Variants in RYR3 observed in about 807,000 individuals in gnomAD.
The protein encoded by RYR3 is ryanodine receptor 3, also known as brain ryanodine receptor-calcium release channel.
A neutral mutation model predicts 584.3 loss-of-function variants in RYR3; 207 were observed. The observed-to-expected ratio is 0.35, with a 90% CI of 0.32 to 0.40. The LOEUF (loss-of-function observed/expected upper bound fraction) is 0.40, where lower values mean the gene tolerates loss of function less well. Ranked by LOEUF, RYR3 falls within the 10% of genes least tolerant of loss-of-function variation. RYR3 has a pLI of 1.00. For missense variants in RYR3, 5,616 were observed against 6,089.2 expected, an observed-to-expected ratio of 0.92 and a Z score of 2.59; for synonymous variants, 2,416 against 2,248.5, an observed-to-expected ratio of 1.07 and a Z score of -2.11.
At chr15:33,594,453 C>T (rs924947107) in intron 16 of RYR3, among the ~76,000 whole-genome samples, 1 of 152,148 alleles carries the variant, frequency 6.6e-6, no homozygotes, top group African/African-American at 2.4e-5. Flanking sequence ...CCGTAAATAG[C>T]TTAAAGGTTT....
rs768368705 is a variant in RYR3, at chr15:33,652,733, C to T, written c.4158C>T (p.Asn1386=). ...TGGCTCCTAGTGTGAAACGCAGCAA[C>T]TGCTACATGGTCTGGGGTGGAGACA... ...GRVHESVKRS[N]CYMVWGGDIV... The change falls in exon 32 of 104, where the codon AAC becomes AAT. Residue 1386 remains asparagine, a synonymous_variant. Coordinates refer to ENST00000634891, the MANE Select transcript of RYR3 (RefSeq NM_001036.6). 6.2e-7 allele frequency: 1 copy of T among 1,613,484 alleles called. No homozygotes were observed. The highest frequency in any genetic ancestry group is 1.7e-5 in the Admixed American group (1 of 59,980).
chr15:33,639,710 C>T (rs1236606937), intron 27 of RYR3, among the ~76,000 whole-genome samples: 1 of 152,166 alleles, frequency 6.6e-6, no homozygotes, highest in Non-Finnish European at 1.5e-5. Context: ...TATTGTAGTT[C>T]ATGGCTGTTT....
chr15:33,420,777 C>T (rs746215550), intron 1 of RYR3, among the ~76,000 whole-genome samples: 7 of 152,010 alleles, frequency 4.6e-5, no homozygotes, highest in Admixed American at 1.3e-4. Flanking sequence ...TGATAAGGCC[C>T]CTTGATGAAA....
intron 1 of RYR3, among the ~76,000 whole-genome samples, chr15:33,466,120 A>G (rs933099312): frequency 6.6e-6 from 1 of 152,210 alleles, no homozygotes; most frequent in African/African-American, 2.4e-5. Context: ...ATGTGGTGGC[A>G]CAAACTTGGG....
rs191013255 is a variant in RYR3, at chr15:33,602,316, A to T, written c.1922+764A>T. On this transcript the variant is annotated intron_variant, in intron 17 of 103. Transcript: ENST00000634891. ...GTTCGTCTCTAAAAGTATGATTCCT[A>T]ACATAAAAACTCTAAGTGGTGTATC... 1.1e-3 allele frequency among the ~76,000 whole-genome samples: 170 copies of T among 152,296 alleles called. 1 individual carries two copies. Among genetic ancestry groups the T allele is most frequent in the Non-Finnish European group, 1.2e-4 (8 of 68,030 alleles).
At chr15:33,638,619 C>T (rs1043781012) in intron 27 of RYR3, among the ~76,000 whole-genome samples, 1 of 152,186 alleles carries the variant, frequency 6.6e-6, no homozygotes, top group African/African-American at 2.4e-5. Context: ...AATCTGCATT[C>T]TGACGAGACA....
In RYR3 at chr15:33,553,055, C is replaced by T. The variant is rs142420994; in HGVS notation, c.972+2739C>T. On this transcript the variant is annotated intron_variant, in intron 10 of 103. Coordinates refer to ENST00000634891, the MANE Select transcript of RYR3 (RefSeq NM_001036.6). The stretch of plus-strand genomic sequence containing the variant: ...GGTGGCAAATGGTAGCCTGAGATAG[C>T]GGTTCAGGATCTGTGTGGTGGCATA... 4.3e-3 allele frequency among the ~76,000 whole-genome samples: 651 copies of T among 152,164 alleles called. 6 individuals carry two copies. The highest frequency in any genetic ancestry group is 0.01 in the African/African-American group (425 of 41,526).
intron 1 of RYR3, among the ~76,000 whole-genome samples, chr15:33,387,765 A>G (rs1366881803): frequency 2.6e-5 from 4 of 152,192 alleles, no homozygotes; most frequent in African/African-American, 9.7e-5. Context: ...CTCTAAAAAA[A>G]GGAACAAAGA....
chr15:33,365,428 C>T (rs1188563369), intron 1 of RYR3, among the ~76,000 whole-genome samples: 1 of 152,050 alleles, frequency 6.6e-6, no homozygotes, highest in Non-Finnish European at 1.5e-5. Flanking sequence ...GAAGTCATTT[C>T]CAGATTTAAA....
intron 65 of RYR3, among the ~76,000 whole-genome samples, chr15:33,785,196 A>G (rs952508155): frequency 1.3e-5 from 2 of 151,958 alleles, no homozygotes; most frequent in Admixed American, 6.6e-5. Flanking sequence ...GTGGACTTTT[A>G]TTTTTCCTTT....
At chr15:33,356,557 TAAAC>T (rs1298552641) in intron 1 of RYR3, among the ~76,000 whole-genome samples, 1 of 152,164 alleles carries the variant, frequency 6.6e-6, no homozygotes, top group Non-Finnish European at 1.5e-5. Flanking sequence ...CATATCAAAA[TAAAC>T]AAAATTATGT....
chr15:33,366,647 G>A (rs1169855909), intron 1 of RYR3, among the ~76,000 whole-genome samples: 2 of 152,228 alleles, frequency 1.3e-5, no homozygotes, highest in African/African-American at 4.8e-5. Flanking sequence ...GATGGACAAA[G>A]ATAAATCAGA....
At chr15:33,559,274 G>T (rs2057276062) in intron 10 of RYR3, among the ~76,000 whole-genome samples, 1 of 152,188 alleles carries the variant, frequency 6.6e-6, no homozygotes, top group Non-Finnish European at 1.5e-5. Context: ...TCCAGCTTTG[G>T]CTAAGTAGAG....
chr15:33,669,495 A>G (rs2063690925), intron 37 of RYR3, 39 bp downstream of exon 37: 3 of 1,566,262 alleles, frequency 1.9e-6, no homozygotes, highest in South Asian at 2.2e-5. Context: ...TTTTTTTACA[A>G]GAAGAGTCTG....
chr15:33,372,854 C>T (rs769860368), intron 1 of RYR3, among the ~76,000 whole-genome samples: 2 of 152,202 alleles, frequency 1.3e-5, no homozygotes, highest in Non-Finnish European at 2.9e-5. Context: ...AGCTGCTCAC[C>T]ACCCTTCCTG....
intron 64 of RYR3, among the ~76,000 whole-genome samples, chr15:33,776,059 A>G (rs1265651320): frequency 6.6e-6 from 1 of 152,210 alleles, no homozygotes; most frequent in African/African-American, 2.4e-5. Context: ...GGAAAGTACA[A>G]TGAACCCACC....
chr15:33,852,969 C>A, intron 94 of RYR3, 76 bp from the exon 95 acceptor site: 1 of 1,307,778 alleles, frequency 7.6e-7, no homozygotes, highest in Non-Finnish European at 1.1e-6. Context: ...TCCAGGCACT[C>A]AAACTGAAAC....
chr15:33,544,067 A>G (rs1286762496), intron 8 of RYR3, among the ~76,000 whole-genome samples: 2 of 152,160 alleles, frequency 1.3e-5, no homozygotes, highest in Non-Finnish European at 2.9e-5. Flanking sequence ...ATTTGGTTTT[A>G]TGACTAAATA....
At chr15:33,742,228 G>A (rs971808430) in intron 51 of RYR3, 138 bp from the exon 52 acceptor site, 3 of 663,870 alleles carry the variant, frequency 4.5e-6, no homozygotes, top group Admixed American at 2.2e-5. Flanking sequence ...TGCGCCTGGA[G>A]TCCAGCTTTA....
Sources: gnomAD v4.1 joint callset for allele counts (sites outside exome capture counted in the v4.1 genomes callset) on GRCh38, gnomAD v4.1.1 for gene constraint, MANE v1.5 for transcripts, NCBI Gene and HGNC (gene_info 2026-07-23, HGNC 2026-07-21) for gene names.